Variants in PTPN2 observed in about 807,000 individuals in gnomAD.
The protein encoded by PTPN2 is protein tyrosine phosphatase non-receptor type 2, also known as tyrosine-protein phosphatase non-receptor type 2.
Under a neutral mutation model 57.3 loss-of-function variants are expected in PTPN2, and 19 were observed. That is an observed-to-expected ratio of 0.33 (90% CI 0.23 to 0.49). The LOEUF is 0.49. Ranked by LOEUF, PTPN2 falls within the 20% of genes least tolerant of loss-of-function variation. The probability of loss-of-function intolerance (pLI) is 0.99; values close to 1 mark genes in which losing one functional copy is unlikely to be tolerated. For synonymous variants in PTPN2, 153 were observed against 164.9 expected (o/e 0.93, Z 0.55); for missense variants, 358 against 501.1 (o/e 0.71, Z 2.73).
chr18:12,870,343 A>ATATATATATG (rs2044171322), intron 1 of PTPN2, among the ~76,000 whole-genome samples: 1 of 40,272 alleles, frequency 2.5e-5, no homozygotes, highest in Non-Finnish European at 4.3e-5. Flanking sequence ...ATATATATAC[A>ATATATATATG]TATATATGTG....
chr18:12,818,165 A>G (rs2042142891), intron 5 of PTPN2, among the ~76,000 whole-genome samples: 1 of 152,274 alleles, frequency 6.6e-6, no homozygotes, highest in East Asian at 1.9e-4. Context: ...TTTTTTTTCT[A>G]CCAGTATAAT....
chr18:12,850,649 T>C (rs767250620), intron 2 of PTPN2, among the ~76,000 whole-genome samples: 3 of 152,152 alleles, frequency 2.0e-5, no homozygotes, highest in Non-Finnish European at 2.9e-5. Flanking sequence ...TTTAGAAATG[T>C]TAAAACTTCC....
rs748336269 is a variant in PTPN2, at chr18:12,825,810, A to G, written c.495T>C (p.Asn165=). The G allele has an allele frequency of 8.1e-6, 13 of 1,604,044 alleles. No homozygotes were observed. Among genetic ancestry groups the G allele is most frequent in the Non-Finnish European group, 1.1e-5 (13 of 1,176,094 alleles). ...TVHLLQLENI[N]SGETRTISHF... is the part of the protein sequence containing the mutation. Reference sequence around the variant, plus strand: ...CAATTTCGGGCAAGAAAGGTCTTACATTGATATTTTCTAATTGTAGTAGAT... The same window carrying G: ...CAATTTCGGGCAAGAAAGGTCTTACGTTGATATTTTCTAATTGTAGTAGAT... The change falls in exon 5 of 9, where the codon AAT becomes AAC. Residue 165 remains asparagine, a splice_region_variant and synonymous_variant. Coordinates refer to ENST00000309660, the MANE Select transcript of PTPN2 (RefSeq NM_002828.4).
intron 3 of PTPN2, among the ~76,000 whole-genome samples, chr18:12,836,159 A>C (rs2042859034): frequency 1.3e-5 from 2 of 152,222 alleles, no homozygotes; most frequent in South Asian, 2.1e-4. Context: ...TCAAGTCTTT[A>C]TTACTTGATG....
At chr18:12,785,920 C>G (rs1046540742) in intron 9 of PTPN2, 54 of 1,239,656 alleles carry the variant, frequency 4.4e-5, no homozygotes, top group Non-Finnish European at 6.0e-5. Flanking sequence ...TGCACACAAA[C>G]ATAAAAGGAC....
chr18:12,872,391 T>C (rs1222394493), intron 1 of PTPN2: 1 of 152,256 alleles, frequency 6.6e-6, no homozygotes. Flanking sequence ...AAAAAGGTTA[T>C]AAATGATCAG....
chr18:12,819,367 T>C (rs775828084), intron 5 of PTPN2: 27 of 645,660 alleles, frequency 4.2e-5, no homozygotes, highest in Non-Finnish European at 5.5e-5. Flanking sequence ...AAATTAATTA[T>C]GGTAAGTGAA....
At chr18:12,787,909 A>G (rs2040881505), downstream of PTPN2, among the ~76,000 whole-genome samples, 1 of 152,232 alleles carries the variant, frequency 6.6e-6, no homozygotes, top group African/African-American at 2.4e-5. Context: ...CAGAGGGTCC[A>G]CTACCAAGTC....
At chr18:12,874,880 G>GA (rs1319995706) in intron 1 of PTPN2, among the ~76,000 whole-genome samples, 8 of 152,216 alleles carry the variant, frequency 5.3e-5, no homozygotes, top group Non-Finnish European at 8.8e-5. Flanking sequence ...GAAAGGTGGG[G>GA]AAAAGATTGA....
intron 1 of PTPN2, among the ~76,000 whole-genome samples, chr18:12,867,446 T>A (rs2145499529): frequency 6.7e-6 from 1 of 149,124 alleles, no homozygotes; most frequent in East Asian, 1.9e-4. Flanking sequence ...GTATCAGTAC[T>A]TTTTTTTTTG....
intron 2 of PTPN2, among the ~76,000 whole-genome samples, chr18:12,840,482 T>C (rs549834190): frequency 1.3e-5 from 2 of 152,374 alleles, no homozygotes; most frequent in East Asian, 3.9e-4. Flanking sequence ...GGTTTCCAAT[T>C]GACCACAAAA....
chr18:12,830,100 A>ATTTTTTTTT (rs148424474), intron 4 of PTPN2, among the ~76,000 whole-genome samples: 1 of 147,616 alleles, frequency 6.8e-6, no homozygotes. Context: ...ATAATCCTTG[A>ATTTTTTTTT]TTTTTTTTTT....
chr18:12,863,205 CTG>C (rs1431042465), intron 1 of PTPN2: 1 of 152,174 alleles, frequency 6.6e-6, no homozygotes, highest in African/African-American at 2.4e-5. Context: ...ACCTGCAATC[CTG>C]GTGCTTTGGG....
At chr18:12,818,372 AT>A (rs1428705842) in intron 5 of PTPN2, among the ~76,000 whole-genome samples, 3 of 152,168 alleles carry the variant, frequency 2.0e-5, no homozygotes, top group Non-Finnish European at 4.4e-5. Flanking sequence ...CATGGCAATA[AT>A]TTCCAATCCT....
At position 12,814,330 on chromosome 18, in the gene PTPN2, A is replaced by G. The variant is rs750290141; in HGVS notation, c.731T>C (p.Ile244Thr). ...VLMEKGDDIN[I>T]KQVLLNMRKY... ...TCTCATGTTCAGTAACACTTGTTTT[A>G]TGTTAATATCATCTCCTTTTTCCAT... The change falls in exon 7 of 9, where the codon ATA (isoleucine) becomes ACA (threonine). Residue 244 changes from isoleucine to threonine, a missense_variant. Ile to Thr is a moderately conservative substitution (Grantham distance 89). Transcript: ENST00000309660. 6.2e-7 allele frequency: 1 copy of G among 1,600,088 alleles called. No individual in the cohort carries two copies. The highest frequency in any genetic ancestry group is 2.2e-5 in the East Asian group (1 of 44,498).
intron 8 of PTPN2, among the ~76,000 whole-genome samples, chr18:12,800,847 C>T (rs2041393893): frequency 6.6e-6 from 1 of 152,212 alleles, no homozygotes; most frequent in Admixed American, 6.5e-5. Context: ...ACCAGGTTAT[C>T]AGCTTCCTAA....
chr18:12,852,236 T>C (rs1366550883), intron 2 of PTPN2, among the ~76,000 whole-genome samples: 2 of 79,718 alleles, frequency 2.5e-5, no homozygotes, highest in African/African-American at 7.6e-5. Context: ...ACACAGATTG[T>C]TTCATGGCCA....
chr18:12,847,294 G>A (rs1218138635), intron 2 of PTPN2, among the ~76,000 whole-genome samples: 4 of 152,300 alleles, frequency 2.6e-5, no homozygotes, highest in Non-Finnish European at 4.4e-5. Context: ...CAGAGGGTTC[G>A]TTTGTAGGTT....
At chr18:12,826,322 G>C (rs1366166332) in intron 4 of PTPN2, among the ~76,000 whole-genome samples, 4 of 152,266 alleles carry the variant, frequency 2.6e-5, no homozygotes, top group South Asian at 2.1e-4. Flanking sequence ...AGAATCGCTT[G>C]AACCCAGGAG....
Sources: allele counts gnomAD v4.1 joint callset (sites outside exome capture counted in the v4.1 genomes callset), GRCh38; gene constraint gnomAD v4.1.1; transcripts MANE v1.5; gene names NCBI Gene and HGNC (gene_info 2026-07-23, HGNC 2026-07-21).